Variants in NUDCD3 observed in about 807,000 individuals in gnomAD.
The protein encoded by NUDCD3 is NudC domain containing 3, also known as nudC domain-containing protein 3.
In NUDCD3, 13 loss-of-function variants were observed where a neutral mutation model predicts 39.7. The ratio of observed to expected loss-of-function variants is 0.33; its 90% CI spans 0.21 to 0.52. The LOEUF (loss-of-function observed/expected upper bound fraction) is 0.52, where lower values mean the gene tolerates loss of function less well. Among genes scored for constraint, NUDCD3 ranks in the 20% least tolerant of loss-of-function variants. The probability of loss-of-function intolerance (pLI) is 0.96; values close to 1 mark genes in which losing one functional copy is unlikely to be tolerated. For synonymous variants in NUDCD3, 175 were observed against 172.4 expected, an observed-to-expected ratio of 1.02 and a Z score of -0.12; for missense variants, 453 against 458.1, an observed-to-expected ratio of 0.99 and a Z score of 0.10.
intron 3 of NUDCD3, among the ~76,000 whole-genome samples, chr7:44,410,396 C>T (rs1417753568): frequency 1.3e-5 from 2 of 152,250 alleles, no homozygotes; most frequent in African/African-American, 4.8e-5. Flanking sequence ...GGCACAGTGG[C>T]TCACGCCTGT....
intron 2 of NUDCD3, among the ~76,000 whole-genome samples, chr7:44,453,383 A>G (rs1799831708): frequency 6.6e-6 from 1 of 151,446 alleles, no homozygotes; most frequent in Non-Finnish European, 1.5e-5. Context: ...AAATAAATAA[A>G]TAATAATAAA....
intron 3 of NUDCD3, among the ~76,000 whole-genome samples, chr7:44,412,755 G>A (rs1258606329): frequency 2.6e-5 from 4 of 151,756 alleles, no homozygotes; most frequent in South Asian, 2.1e-4. Flanking sequence ...GTGAAGCCCC[G>A]TCTCTACTAA....
chr7:44,461,595 G>C (rs1800016911), intron 2 of NUDCD3, among the ~76,000 whole-genome samples: 1 of 152,058 alleles, frequency 6.6e-6, no homozygotes. Context: ...GGTACAATCT[G>C]ACCTATACCA....
At chr7:44,466,134 G>A (rs1372072158) in intron 2 of NUDCD3, among the ~76,000 whole-genome samples, 2 of 152,078 alleles carry the variant, frequency 1.3e-5, no homozygotes, top group Admixed American at 1.3e-4. Context: ...GCTCACAATG[G>A]CCCCTAGAAG....
At chr7:44,427,102 T>C (rs2116901573) in intron 3 of NUDCD3, among the ~76,000 whole-genome samples, 1 of 152,338 alleles carries the variant, frequency 6.6e-6, no homozygotes, top group East Asian at 1.9e-4. Flanking sequence ...GCTATGTGAA[T>C]GTATGTTAGC....
intron 2 of NUDCD3, among the ~76,000 whole-genome samples, chr7:44,462,875 T>C (rs1469451340): frequency 6.6e-6 from 1 of 152,180 alleles, no homozygotes; most frequent in East Asian, 1.9e-4. Flanking sequence ...GTAATTGCCT[T>C]TTTGAAAATA....
chr7:44,457,778 A>C (rs1799933545), intron 2 of NUDCD3, among the ~76,000 whole-genome samples: 1 of 152,234 alleles, frequency 6.6e-6, no homozygotes, highest in Middle Eastern at 3.2e-3. Flanking sequence ...ATGCACATGG[A>C]AACTACAATG....
At chr7:44,429,251 C>T (rs1021251846) in intron 2 of NUDCD3, among the ~76,000 whole-genome samples, 3 of 152,164 alleles carry the variant, frequency 2.0e-5, no homozygotes, top group Non-Finnish European at 4.4e-5. Flanking sequence ...TCCCCAGGAC[C>T]TCAGAATGTG....
chr7:44,441,545 T>G (rs148386806), intron 2 of NUDCD3, among the ~76,000 whole-genome samples: 1 of 152,118 alleles, frequency 6.6e-6, no homozygotes, highest in Non-Finnish European at 1.5e-5. Flanking sequence ...AGACTCGCCA[T>G]GTCTACCCGC....
chr7:44,463,802 G>C (rs894213730), intron 2 of NUDCD3, among the ~76,000 whole-genome samples: 3 of 152,126 alleles, frequency 2.0e-5, no homozygotes, highest in Admixed American at 6.5e-5. Flanking sequence ...TTTACAAAAG[G>C]AATGTATTTT....
intron 2 of NUDCD3, among the ~76,000 whole-genome samples, chr7:44,478,728 A>G (rs749375875): frequency 2.0e-5 from 3 of 152,166 alleles, no homozygotes; most frequent in Admixed American, 6.5e-5. Context: ...GGTCAAAATA[A>G]AATTTCCCCC....
chr7:44,420,161 T>C (rs1799110689), intron 3 of NUDCD3, among the ~76,000 whole-genome samples: 1 of 152,044 alleles, frequency 6.6e-6, no homozygotes, highest in Non-Finnish European at 1.5e-5. Flanking sequence ...ACAAATGACC[T>C]GATGGAGCTG....
In NUDCD3 at chr7:44,447,322, G is replaced by A. The variant is rs28523844; in HGVS notation, c.510-19619C>T. 9.2e-3 allele frequency among the ~76,000 whole-genome samples: 1,403 copies of A among 152,306 alleles called. 25 individuals carry two copies. The highest frequency in any genetic ancestry group is 0.031 in the African/African-American group (1,300 of 41,556). On this transcript the variant is annotated intron_variant, in intron 2 of 5. Transcript: ENST00000355451. ...GCCCCAGGCCAACAAACACTGTAAC[G>A]AAGGTCTTCTGTAGAAAGTTTCCGT...
At chr7:44,469,003 G>A (rs903207049) in intron 2 of NUDCD3, among the ~76,000 whole-genome samples, 1 of 150,526 alleles carries the variant, frequency 6.6e-6, no homozygotes, top group Non-Finnish European at 1.5e-5. Flanking sequence ...AGTCCTTACA[G>A]TCCATTTGTT....
At chr7:44,464,132 T>C (rs1419680634) in intron 2 of NUDCD3, among the ~76,000 whole-genome samples, 3 of 150,534 alleles carry the variant, frequency 2.0e-5, no homozygotes, top group Non-Finnish European at 2.9e-5. Context: ...GAGAATTGCT[T>C]GAACCCGAGA....
At chr7:44,392,860 A>C (rs1455881827) in intron 4 of NUDCD3, among the ~76,000 whole-genome samples, 1 of 151,958 alleles carries the variant, frequency 6.6e-6, no homozygotes, top group Non-Finnish European at 1.5e-5. Flanking sequence ...ACACCCCCCC[A>C]CACCAGGACC....
chr7:44,431,470 T>A (rs1292497295), intron 2 of NUDCD3, among the ~76,000 whole-genome samples: 1 of 152,118 alleles, frequency 6.6e-6, no homozygotes, highest in East Asian at 1.9e-4. Context: ...CTCCTGAGTG[T>A]GGCAAGCCAG....
chr7:44,464,130 C>A (rs1045854122), intron 2 of NUDCD3, among the ~76,000 whole-genome samples: 3 of 151,052 alleles, frequency 2.0e-5, no homozygotes, highest in Non-Finnish European at 4.4e-5. Flanking sequence ...AGGAGAATTG[C>A]TTGAACCCGA....
At chr7:44,470,866 C>G (rs1800241043) in intron 2 of NUDCD3, among the ~76,000 whole-genome samples, 1 of 152,208 alleles carries the variant, frequency 6.6e-6, no homozygotes, top group Non-Finnish European at 1.5e-5. Context: ...AAGTACAACT[C>G]TGAGTTGCCC....
Sources: gnomAD v4.1 joint callset for allele counts (sites outside exome capture counted in the v4.1 genomes callset) on GRCh38, gnomAD v4.1.1 for gene constraint, MANE v1.5 for transcripts, NCBI Gene and HGNC (gene_info 2026-07-23, HGNC 2026-07-21) for gene names.